TRDN: variants seen among roughly 807,000 people sequenced by gnomAD.
The protein encoded by TRDN is triadin.
In TRDN, 161 loss-of-function variants were observed where a neutral mutation model predicts 149.7. The observed-to-expected ratio is 1.08, with a 90% CI of 0.95 to 1.23. The LOEUF (loss-of-function observed/expected upper bound fraction) is 1.23, where lower values mean the gene tolerates loss of function less well. Ranked by LOEUF, TRDN falls within the 50% of genes most tolerant of loss-of-function variation. The pLI is 0.00. For missense variants in TRDN, 896 were observed against 823.5 expected, an observed-to-expected ratio of 1.09 and a Z score of -1.08; for synonymous variants, 294 against 250.5, an observed-to-expected ratio of 1.17 and a Z score of -1.64.
intron 21 of TRDN, chr6:123,350,040 G>T (rs1780398185): frequency 1.0e-6 from 1 of 984,784 alleles, no homozygotes; most frequent in Non-Finnish European, 1.2e-6. Context: ...TTAAGGCAAA[G>T]TTGAATATTT....
intron 14 of TRDN, 149 bp downstream of exon 14, chr6:123,388,373 G>T (rs1781984077): frequency 1.2e-6 from 1 of 816,320 alleles, no homozygotes; most frequent in Non-Finnish European, 2.0e-6. Flanking sequence ...GTGAGGTGAA[G>T]TAGAAAAAGC....
At chr6:123,475,729 C>T (rs1273184036) in intron 9 of TRDN, among the ~76,000 whole-genome samples, 1 of 128,206 alleles carries the variant, frequency 7.8e-6, no homozygotes, top group Admixed American at 8.1e-5. Context: ...TGGGCTTCAT[C>T]CCTGGGATGC....
intron 9 of TRDN, among the ~76,000 whole-genome samples, chr6:123,491,703 A>G (rs947861356): frequency 6.6e-6 from 1 of 152,198 alleles, no homozygotes; most frequent in African/African-American, 2.4e-5. Flanking sequence ...TTTCTGGACC[A>G]CCAGCTTGCT....
chr6:123,501,735 G>T (rs1288397963), intron 8 of TRDN: 10 of 611,924 alleles, frequency 1.6e-5, no homozygotes, highest in Non-Finnish European at 2.0e-5. Context: ...TCACATTTGT[G>T]CTTTTGTTTT....
At chr6:123,402,814 T>C (rs1322862636) in intron 12 of TRDN, among the ~76,000 whole-genome samples, 1 of 152,100 alleles carries the variant, frequency 6.6e-6, no homozygotes, top group Non-Finnish European at 1.5e-5. Flanking sequence ...AAAAGAAGAA[T>C]CTAATACAAT....
intron 7 of TRDN, among the ~76,000 whole-genome samples, chr6:123,511,321 A>G (rs796394895): frequency 1.9e-4 from 29 of 152,230 alleles, no homozygotes; most frequent in African/African-American, 7.0e-4. Flanking sequence ...TAAAATAACT[A>G]GAGAGTGAAT....
intron 24 of TRDN, among the ~76,000 whole-genome samples, chr6:123,303,033 CA>C (rs1235731543): frequency 6.6e-6 from 1 of 151,998 alleles, no homozygotes; most frequent in Non-Finnish European, 1.5e-5. Flanking sequence ...TAAATTTTTA[CA>C]ATAAATTTGA....
At chr6:123,578,696 C>G (rs1301376863) in intron 1 of TRDN, among the ~76,000 whole-genome samples, 1 of 152,134 alleles carries the variant, frequency 6.6e-6, no homozygotes, top group African/African-American at 2.4e-5. Flanking sequence ...TGAAGAATGT[C>G]ACTGGTAGTT....
Position 123,547,374 on chromosome 6 carries a change from T to A in TRDN, c.392-2A>T. 2 of 1,440,530 alleles carry A rather than the reference T, an allele frequency of 1.4e-6. No homozygotes were observed. Among genetic ancestry groups the A allele is most frequent in the Non-Finnish European group, 1.8e-6 (2 of 1,087,738 alleles). 89.2% of individuals were successfully genotyped at this position (1,440,530 alleles called of 1,614,324 possible). On this transcript the variant is annotated splice_acceptor_variant, in intron 3 of 40. Coordinates refer to ENST00000334268, the MANE Select transcript of TRDN (RefSeq NM_006073.4). LOFTEE classifies it high-confidence loss of function. ...TCAAGGGAGGCTCATCTATTTCTCC[T>A]AGACCAAGATTAAAAGAAAAACAAA... is the stretch of plus-strand genomic sequence containing the variant.
rs559453615 is a variant in TRDN, at chr6:123,585,210, A to G, written c.23-14078T>C. On this transcript the variant is annotated intron_variant, in intron 1 of 40. Coordinates refer to ENST00000334268, the MANE Select transcript of TRDN (RefSeq NM_006073.4). Reference sequence around the variant, plus strand: ...GGGAAGAAGGGCAGCAATGAGATGTAGCTGTAATCCAGGAATAGTCAGGGA... The same window carrying G: ...GGGAAGAAGGGCAGCAATGAGATGTGGCTGTAATCCAGGAATAGTCAGGGA... Among the ~76,000 whole-genome samples the G allele has an allele frequency of 5.0e-4, 75 of 150,676 alleles. 1 individual carries two copies. The highest frequency in any genetic ancestry group is 1.8e-3 in the African/African-American group (73 of 41,172).
chr6:123,539,710 G>T (rs1780730564), intron 4 of TRDN, among the ~76,000 whole-genome samples: 1 of 152,146 alleles, frequency 6.6e-6, no homozygotes, highest in Non-Finnish European at 1.5e-5. Context: ...AACTTAGTTT[G>T]CATCCTATCA....
At position 123,278,177 on chromosome 6, in the gene TRDN, A is replaced by AT. The variant is rs1242344813; in HGVS notation, c.1567+140dup. On this transcript the variant is annotated intron_variant, in intron 26 of 40. Coordinates refer to ENST00000334268, the MANE Select transcript of TRDN (RefSeq NM_006073.4). ...AAATGGGTAGCATAGAGAAATATATATTTTGTTAGTTTTTTTTTAAGTTGG... is the reference window on the plus strand; with the variant it reads ...AAATGGGTAGCATAGAGAAATATATATTTTTGTTAGTTTTTTTTTAAGTTGG... The AT allele has an allele frequency of 9.2e-6, 5 of 544,590 alleles. No homozygotes were observed. In the East Asian group the frequency reaches 3.1e-4, roughly 34 times the overall value. The allele number at this position is 544,590 out of a possible 1,614,324, so 33.7% of individuals were successfully genotyped here. A position where few individuals can be genotyped will look rare whatever the true frequency, so the allele number is the denominator to read the frequency against.
At chr6:123,355,608 T>C (rs1780638092) in intron 20 of TRDN, among the ~76,000 whole-genome samples, 1 of 151,718 alleles carries the variant, frequency 6.6e-6, no homozygotes, top group South Asian at 2.1e-4. Context: ...ATTTGCTTTT[T>C]CATATGAAAA....
intron 10 of TRDN, among the ~76,000 whole-genome samples, chr6:123,453,846 C>G (rs191725838): frequency 2.7e-4 from 41 of 151,946 alleles, no homozygotes; most frequent in Admixed American, 2.6e-3. Flanking sequence ...AATTGTGAAA[C>G]CAAACCAAAT....
At chr6:123,475,222 G>A (rs1387302648) in intron 9 of TRDN, among the ~76,000 whole-genome samples, 1 of 148,880 alleles carries the variant, frequency 6.7e-6, no homozygotes, top group African/African-American at 2.5e-5. Context: ...ATGATAAAGG[G>A]GATATCACCA....
At chr6:123,375,495 A>G in intron 19 of TRDN, 110 bp downstream of exon 19, 1 of 868,322 alleles carries the variant, frequency 1.2e-6, no homozygotes, top group Non-Finnish European at 1.7e-6. Context: ...AATCATACCA[A>G]AAAGCTGGTA....
intron 24 of TRDN, among the ~76,000 whole-genome samples, chr6:123,297,813 A>C (rs929791552): frequency 2.0e-5 from 3 of 152,090 alleles, no homozygotes; most frequent in Non-Finnish European, 4.4e-5. Context: ...CTACTGAGTC[A>C]CATATCTAAC....
At chr6:123,561,673 T>C (rs1188314301) in intron 2 of TRDN, among the ~76,000 whole-genome samples, 1 of 152,170 alleles carries the variant, frequency 6.6e-6, no homozygotes, top group East Asian at 1.9e-4. Context: ...AGTTTTTCAA[T>C]TCATACAAAA....
At chr6:123,616,041 A>G (rs983663727) in intron 1 of TRDN, among the ~76,000 whole-genome samples, 1 of 152,176 alleles carries the variant, frequency 6.6e-6, no homozygotes. Flanking sequence ...AAAATATATA[A>G]TAAAGCAAAA....
Sources: gnomAD v4.1 joint callset for allele counts (sites outside exome capture counted in the v4.1 genomes callset) on GRCh38, gnomAD v4.1.1 for gene constraint, MANE v1.5 for transcripts, NCBI Gene and HGNC (gene_info 2026-07-23, HGNC 2026-07-21) for gene names.